The following DISC1 variants were observed in gnomAD, a reference collection of about 807,000 sequenced individuals.
The protein encoded by DISC1 is DISC1 scaffold protein.
In DISC1, 57 loss-of-function variants were observed where a neutral mutation model predicts 84.5. The ratio of observed to expected loss-of-function variants is 0.67; its 90% confidence interval spans 0.55 to 0.84. The LOEUF is 0.84. Ranked by LOEUF, DISC1 falls within the 40% of genes least tolerant of loss-of-function variation. DISC1 has a pLI of 0.00. For missense variants in DISC1, 1,000 were observed against 1,057.8 expected (o/e 0.95, Z 0.76); for synonymous variants, 411 against 415.2 (o/e 0.99, Z 0.12).
intron 1 of DISC1, among the ~76,000 whole-genome samples, chr1:231,681,320 A>G (rs2063666417): frequency 6.6e-6 from 1 of 152,112 alleles, no homozygotes; most frequent in Non-Finnish European, 1.5e-5. Context: ...GAAAAATTGG[A>G]TCAGAGAGTT....
At chr1:231,985,447 A>G (rs939789388) in intron 10 of DISC1, among the ~76,000 whole-genome samples, 3 of 152,184 alleles carry the variant, frequency 2.0e-5, no homozygotes, top group South Asian at 2.1e-4. Flanking sequence ...GCACATGCTC[A>G]GTTAACGTTT....
rs116432217 is a variant in DISC1, at chr1:231,633,598, G to A, written c.67+6664G>A. Among the ~76,000 whole-genome samples the A allele has an allele frequency of 9.3e-3, 1,413 of 152,266 alleles. 22 individuals are homozygous for A. The highest frequency in any genetic ancestry group is 0.032 in the African/African-American group (1,320 of 41,536). On this transcript the variant is annotated intron_variant, in intron 1 of 12. Transcript: ENST00000439617. ...AGGAAGCCTAGATAGCTTCTTTGCA[G>A]TCATCTGCCCGAATGTCGTAGCTAC...
intron 9 of DISC1, among the ~76,000 whole-genome samples, chr1:231,946,039 G>T (rs1657126864): frequency 6.6e-6 from 1 of 152,198 alleles, no homozygotes; most frequent in Non-Finnish European, 1.5e-5. Context: ...GGTACAAAGA[G>T]GAGCTGGTAC....
chr1:231,750,620 A>G (rs2074509501), intron 4 of DISC1: 12 of 981,726 alleles, frequency 1.2e-5, no homozygotes, highest in African/African-American at 1.7e-5. Flanking sequence ...ATAACTTAGA[A>G]AGATTTAAAA....
At chr1:231,812,602 T>C (rs114562402) in intron 8 of DISC1, among the ~76,000 whole-genome samples, 1,569 of 152,280 alleles carry the variant, frequency 0.01, 22 homozygotes, top group African/African-American at 0.035. Context: ...CCTATGAGAA[T>C]ACCCAGGTTT....
intron 1 of DISC1, among the ~76,000 whole-genome samples, chr1:231,672,852 A>G (rs1410541153): frequency 6.6e-6 from 1 of 152,146 alleles, no homozygotes. Flanking sequence ...TAACTCCCTG[A>G]CCTGGGGGTT....
chr1:231,883,037 G>A (rs1325630754), intron 9 of DISC1, among the ~76,000 whole-genome samples: 3 of 151,836 alleles, frequency 2.0e-5, no homozygotes, highest in Admixed American at 6.6e-5. Context: ...GTAGACACAC[G>A]GGAGCTGCCT....
chr1:231,636,113 A>G (rs968359280), intron 1 of DISC1, among the ~76,000 whole-genome samples: 3 of 152,196 alleles, frequency 2.0e-5, no homozygotes, highest in Non-Finnish European at 2.9e-5. Context: ...AGGTATGACA[A>G]TTTTGAAAAC....
chr1:232,005,656 C>T (rs1667327773), intron 10 of DISC1, among the ~76,000 whole-genome samples: 1 of 152,084 alleles, frequency 6.6e-6, no homozygotes, highest in Non-Finnish European at 1.5e-5. Flanking sequence ...CTTTATCCTT[C>T]CGATCTCATC....
intron 1 of DISC1, among the ~76,000 whole-genome samples, chr1:231,690,927 A>T (rs1305385134): frequency 1.3e-5 from 2 of 152,168 alleles, no homozygotes; most frequent in African/African-American, 4.8e-5. Flanking sequence ...TGCAGAAGCC[A>T]GGTGGTTCCC....
chr1:231,774,926 A>T (rs571794758), intron 6 of DISC1: 7 of 366,322 alleles, frequency 1.9e-5, no homozygotes, highest in Non-Finnish European at 3.8e-5. Flanking sequence ...TGACTTAGGG[A>T]TAATATCCAG....
At chr1:231,914,706 C>T (rs191401065) in intron 9 of DISC1, among the ~76,000 whole-genome samples, 9 of 152,320 alleles carry the variant, frequency 5.9e-5, no homozygotes, top group Admixed American at 3.3e-4. Flanking sequence ...TCCAACTTAT[C>T]ATGTGGAGGG....
intron 10 of DISC1, among the ~76,000 whole-genome samples, chr1:231,972,489 G>C (rs201867302): frequency 2.8e-3 from 429 of 152,310 alleles, no homozygotes; most frequent in Non-Finnish European, 4.9e-3. Context: ...TGAGTGTTTA[G>C]GGCATTATAT....
chr1:232,004,185 T>C (rs1345213606), intron 10 of DISC1, among the ~76,000 whole-genome samples: 1 of 151,418 alleles, frequency 6.6e-6, no homozygotes, highest in Non-Finnish European at 1.5e-5. Context: ...TAATAAAAAG[T>C]AAGATAATAA....
intron 9 of DISC1, among the ~76,000 whole-genome samples, chr1:231,919,809 A>G (rs1006734039): frequency 3.9e-5 from 6 of 152,216 alleles, no homozygotes; most frequent in African/African-American, 1.4e-4. Context: ...AGGCAAAATG[A>G]TTACAAATAA....
At chr1:231,693,781 G>A in intron 1 of DISC1, 45 bp from the exon 2 acceptor site, 2 of 1,611,334 alleles carry the variant, frequency 1.2e-6, no homozygotes, top group South Asian at 1.1e-5. Flanking sequence ...AGCTGGGCCA[G>A]TAAGATCTGC....
At chr1:231,896,047 C>T (rs1024585818) in intron 9 of DISC1, among the ~76,000 whole-genome samples, 1 of 152,150 alleles carries the variant, frequency 6.6e-6, no homozygotes, top group African/African-American at 2.4e-5. Context: ...ATTCCAGAGG[C>T]CAAAAGGCTG....
At chr1:231,766,741 A>G (rs566737908) in intron 4 of DISC1, among the ~76,000 whole-genome samples, 3 of 152,232 alleles carry the variant, frequency 2.0e-5, no homozygotes, top group Non-Finnish European at 4.4e-5. Context: ...TATATCCAAA[A>G]TATTATCTCA....
At chr1:231,893,436 C>A (rs1254200288) in intron 9 of DISC1, among the ~76,000 whole-genome samples, 2 of 152,154 alleles carry the variant, frequency 1.3e-5, no homozygotes, top group African/African-American at 2.4e-5. Flanking sequence ...AGAAAATTAT[C>A]TTGGAAATTT....
Sources: allele counts gnomAD v4.1 joint callset (sites outside exome capture counted in the v4.1 genomes callset), GRCh38; gene constraint gnomAD v4.1.1; transcripts MANE v1.5; gene names NCBI Gene and HGNC (gene_info 2026-07-23, HGNC 2026-07-21).